ZNF571: variants seen among roughly 807,000 people sequenced by gnomAD.
The protein encoded by ZNF571 is zinc finger protein 571.
A neutral mutation model predicts 7.7 loss-of-function variants in ZNF571; 4 were observed. That is an observed-to-expected ratio of 0.52 (90% CI 0.25 to 1.18). The LOEUF is 1.18. Ranked by LOEUF, ZNF571 falls within the 50% of genes most tolerant of loss-of-function variation. The pLI is 0.14. For missense variants in ZNF571, 704 were observed against 726.9 expected, an observed-to-expected ratio of 0.97 and a Z score of 0.36; for synonymous variants, 251 against 232.4, an observed-to-expected ratio of 1.08 and a Z score of -0.73.
intron 3 of ZNF571, among the ~76,000 whole-genome samples, chr19:37,570,417 C>T (rs186272207): frequency 1.5e-4 from 23 of 152,294 alleles, no homozygotes; most frequent in African/African-American, 5.3e-4. Context: ...CCTCGCTTCA[C>T]CTAACCTCTC....
intron 1 of ZNF571, among the ~76,000 whole-genome samples, chr19:37,589,864 C>CAAAAA (rs60136941): frequency 0.028 from 839 of 29,566 alleles, 291 homozygotes; most frequent in African/African-American, 0.084. Flanking sequence ...GACTCCATCT[C>CAAAAA]AAAAAAAAAA....
chr19:37,565,005 CATA>C lies in ZNF571; in HGVS notation c.1420_1422del (p.Tyr474del), dbSNP rs765860977. On this transcript the variant is annotated inframe_deletion, in exon 4 of 4. Coordinates refer to ENST00000451802, the MANE Select transcript of ZNF571 (RefSeq NM_016536.5). ...AAGGTCTTCCCACATTCCTTACATT[CATA>C]ATGTTTCTCACCATGAATTTTCTCA... 1.8e-5 allele frequency: 29 copies of C among 1,613,546 alleles called. No homozygotes were observed. The East Asian group carries it at 2.2e-4, about 12-fold the overall frequency.
chr19:37,578,591 G>A (rs908173533), intron 3 of ZNF571, among the ~76,000 whole-genome samples: 6 of 152,324 alleles, frequency 3.9e-5, no homozygotes, highest in Middle Eastern at 3.4e-3. Flanking sequence ...ACAGTGCTGA[G>A]GGGCGGTCAG....
In ZNF571 at chr19:37,565,021, A is replaced by G; in HGVS notation, c.1407T>C (p.His469=). 1 of 1,613,702 alleles carries G rather than the reference A, an allele frequency of 6.2e-7. No individual in the cohort carries two copies. The highest frequency in any genetic ancestry group is 1.1e-5 in the South Asian group (1 of 91,048). The change falls in exon 4 of 4, where the codon CAT becomes CAC. Residue 469 remains histidine (H), a synonymous_variant. Transcript: ENST00000451802. ...VAYLTQHEKI[H]GEKHYECKEC... is the part of the protein sequence containing the mutation. ...CCTTACATTCATAATGTTTCTCACCATGAATTTTCTCATGTTGAGTAAGAT... is the reference window on the plus strand; with the variant it reads ...CCTTACATTCATAATGTTTCTCACCGTGAATTTTCTCATGTTGAGTAAGAT...
At chr19:37,587,779 G>A (rs10403173) in intron 1 of ZNF571, among the ~76,000 whole-genome samples, 38,557 of 151,694 alleles carry the variant, frequency 0.25, 5,589 homozygotes, top group East Asian at 0.63. Context: ...TGTCCTCCCC[G>A]CTAACCAATT....
Position 37,589,989 on chromosome 19 carries a change from A to G in ZNF571, c.-69-3244T>C, listed in dbSNP as rs568975325. On this transcript the variant is annotated intron_variant, in intron 1 of 3. Transcript: ENST00000451802. ...AGTTTTCAAAAAAGTCAGGATCACA[A>G]AGGATCAAAGAAAAGTCCAGGAATT... is the stretch of plus-strand genomic sequence containing the variant. Among the ~76,000 whole-genome samples, 36 of 152,142 alleles carry G rather than the reference A, an allele frequency of 2.4e-4. No homozygotes were observed. The South Asian group carries it at 7.5e-3, about 32-fold the overall frequency.
Position 37,592,751 on chromosome 19 carries a change from A to T in ZNF571, c.-70+1990T>A, listed in dbSNP as rs548775852. Among the ~76,000 whole-genome samples the T allele has an allele frequency of 5.9e-5, 9 of 152,344 alleles. No individual in the cohort carries two copies. The South Asian group carries it at 1.9e-3, about 32-fold the overall frequency. On this transcript the variant is annotated intron_variant, in intron 1 of 3. Transcript: ENST00000451802. Reference sequence around the variant, plus strand: ...AAATTCCATCAAACCTCTAGATCTAACTGCCTGTTTACAGAAATATGAAGG... The same window carrying T: ...AAATTCCATCAAACCTCTAGATCTATCTGCCTGTTTACAGAAATATGAAGG...
chr19:37,579,516 TGC>T (rs2043371087), intron 3 of ZNF571, among the ~76,000 whole-genome samples: 1 of 151,650 alleles, frequency 6.6e-6, no homozygotes, highest in Non-Finnish European at 1.5e-5. Flanking sequence ...CAATAAATGG[TGC>T]TGGGATAACT....
At chr19:37,592,075 T>A (rs1167389159) in intron 1 of ZNF571, among the ~76,000 whole-genome samples, 1 of 151,742 alleles carries the variant, frequency 6.6e-6, no homozygotes, top group Non-Finnish European at 1.5e-5. Context: ...CTGGGCAACA[T>A]GGTGAAACCC....
chr19:37,591,007 T>C (rs1364844980), intron 1 of ZNF571, among the ~76,000 whole-genome samples: 2 of 152,216 alleles, frequency 1.3e-5, no homozygotes, highest in South Asian at 2.1e-4. Flanking sequence ...AAAACAGAGA[T>C]ACAAGTATAA....
chr19:37,585,730 C>CA (rs773039792), intron 2 of ZNF571: 4 of 152,186 alleles, frequency 2.6e-5, no homozygotes, highest in Non-Finnish European at 4.4e-5. Flanking sequence ...AATTTCGTTA[C>CA]AAAACCTATG....
chr19:37,576,675 G>A (rs1346164455), intron 3 of ZNF571, among the ~76,000 whole-genome samples: 1 of 152,018 alleles, frequency 6.6e-6, no homozygotes, highest in Non-Finnish European at 1.5e-5. Flanking sequence ...CCTTAACTAG[G>A]TCATAAAAAG....
In ZNF571 at chr19:37,594,769, C is replaced by T. The variant is rs530709427; in HGVS notation, c.-98G>A. The T allele has an allele frequency of 6.6e-6, 1 of 152,302 alleles. No individual in the cohort carries two copies. The highest frequency in any genetic ancestry group is 1.9e-4 in the East Asian group (1 of 5,172). The allele number at this position is 152,302 out of a possible 1,614,324, so 9.4% of individuals were successfully genotyped here. ...GCCGGCGCAGACAAGCTCCGTGCGT[C>T]AAGACATAACAGCGTAAGTGTACGA... On this transcript the variant is annotated 5_prime_UTR_variant, in exon 1 of 4. The change abolishes the stop of an existing upstream ORF in the 5' untranslated region. Transcript: ENST00000451802.
intron 3 of ZNF571, among the ~76,000 whole-genome samples, chr19:37,576,320 CA>C: frequency 6.6e-6 from 1 of 152,164 alleles, no homozygotes; most frequent in South Asian, 2.1e-4. Context: ...ACTCTATAAA[CA>C]AATAGGTTTG....
intron 1 of ZNF571, 168 bp downstream of exon 1, chr19:37,594,573 G>A (rs1173801398): frequency 6.6e-6 from 1 of 152,438 alleles, no homozygotes; most frequent in Admixed American, 6.5e-5. Context: ...ACACCCCTCC[G>A]CAAGCGCAAG....
Position 37,569,158 on chromosome 19 carries a change from G to A in ZNF571, c.137-2867C>T, listed in dbSNP as rs1394883746. ...AGTAGAGATAGGCCTTCACCATATT[G>A]GTCAGGCTGGTCTCAAATTCCTGGC... On this transcript the variant is annotated intron_variant, in intron 3 of 3. Coordinates refer to ENST00000451802, the MANE Select transcript of ZNF571 (RefSeq NM_016536.5). The surrounding 1 kb of genome is among the most constrained non-coding windows in gnomAD (Gnocchi z 4.4). 6.6e-6 allele frequency among the ~76,000 whole-genome samples: 1 copy of A among 151,856 alleles called. No homozygotes were observed. The highest frequency in any genetic ancestry group is 1.9e-4 in the East Asian group (1 of 5,178).
chr19:37,588,380 A>G (rs2043755278), intron 1 of ZNF571, among the ~76,000 whole-genome samples: 1 of 152,224 alleles, frequency 6.6e-6, no homozygotes, highest in Non-Finnish European at 1.5e-5. Flanking sequence ...GGATACTGTA[A>G]AAAGGAACAA....
In ZNF571 at chr19:37,564,768, C is replaced by A. The variant is rs149435363; in HGVS notation, c.1660G>T (p.Gly554Ter). Residue 554 changes from glycine (G) to a stop codon, truncating the protein, a stop_gained, in exon 4 of 4, where the codon GGA (glycine) becomes TGA (stop). Coordinates refer to ENST00000451802, the MANE Select transcript of ZNF571 (RefSeq NM_016536.5). LOFTEE classifies it low-confidence loss of function (END_TRUNC). ...TCCTTACATTCATAGGGTTTCTCTC[C>A]AGTATGAGTTCTCAGATGTTCAGTA... ...HLTEHLRTHT[G>*]EKPYECKECG... 9.9e-6 allele frequency: 16 copies of A among 1,613,820 alleles called. No individual in the cohort carries two copies. The African/African-American group carries it at 2.0e-4, about 20-fold the overall frequency.
chr19:37,588,035 G>A (rs1024741489), intron 1 of ZNF571, among the ~76,000 whole-genome samples: 8 of 142,846 alleles, frequency 5.6e-5, no homozygotes, highest in African/African-American at 7.7e-5. Flanking sequence ...GGGAGGTGGA[G>A]GTTGCAGTGA....
Sources: allele counts gnomAD v4.1 joint callset (sites outside exome capture counted in the v4.1 genomes callset), GRCh38; gene constraint gnomAD v4.1.1; non-coding constraint Gnocchi (gnomAD v3.1); transcripts MANE v1.5; gene names NCBI Gene and HGNC (gene_info 2026-07-23, HGNC 2026-07-21).